Variants in RBFOX1 observed in about 807,000 individuals in gnomAD.
RBFOX1 encodes the protein RNA binding protein fox-1 homolog 1.
Under a neutral mutation model 57.7 loss-of-function variants are expected in RBFOX1, and 8 were observed. The ratio of observed to expected loss-of-function variants is 0.14; its 90% confidence interval spans 0.08 to 0.25. The LOEUF (loss-of-function observed/expected upper bound fraction) is 0.25. Ranked by LOEUF, RBFOX1 falls within the 10% of genes least tolerant of loss-of-function variation. The pLI, the probability that RBFOX1 is intolerant of heterozygous loss-of-function variation, is 1.00. For synonymous variants in RBFOX1, 326 were observed against 222.4 expected, an observed-to-expected ratio of 1.47 and a Z score of -4.15; for missense variants, 611 against 548.5, an observed-to-expected ratio of 1.11 and a Z score of -1.14.
chr16:6,134,683 A>ATTTT (rs61209958), intron 1 of RBFOX1, among the ~76,000 whole-genome samples: 7 of 143,462 alleles, frequency 4.9e-5, no homozygotes, highest in Non-Finnish European at 6.1e-5. Flanking sequence ...AACTCAGAGT[A>ATTTT]TTTTTTTTTT....
At chr16:6,544,485 C>T (rs1300971742) in intron 2 of RBFOX1, among the ~76,000 whole-genome samples, 1 of 152,154 alleles carries the variant, frequency 6.6e-6, no homozygotes, top group African/African-American at 2.4e-5. Flanking sequence ...TTTGTAGGAT[C>T]TCATAGGAAA....
chr16:7,353,853 G>C (rs1024883730), intron 4 of RBFOX1, among the ~76,000 whole-genome samples: 7 of 152,094 alleles, frequency 4.6e-5, no homozygotes, highest in Non-Finnish European at 8.8e-5. Context: ...TTCTTTTTGA[G>C]GTGATGAAAA....
chr16:5,937,398 G>T (rs901210890), intron 4 of RBFOX1, among the ~76,000 whole-genome samples: 8 of 152,148 alleles, frequency 5.3e-5, no homozygotes, highest in Admixed American at 2.0e-4. Flanking sequence ...CTAGAGTAGA[G>T]GCGTGAACCA....
At chr16:6,912,600 TTC>T (rs757791918) in intron 3 of RBFOX1, among the ~76,000 whole-genome samples, 47 of 102,344 alleles carry the variant, frequency 4.6e-4, no homozygotes, top group African/African-American at 1.5e-3. Flanking sequence ...TTGCTTTCTT[TTC>T]TTGTGTGTGT....
At chr16:7,698,900 A>G (rs2079690427) in intron 14 of RBFOX1, among the ~76,000 whole-genome samples, 1 of 152,186 alleles carries the variant, frequency 6.6e-6, no homozygotes, top group Admixed American at 6.5e-5. Context: ...AATTTGTGAA[A>G]ATTAAAGATG....
intron 1 of RBFOX1, among the ~76,000 whole-genome samples, chr16:6,125,761 C>T (rs534563241): frequency 8.5e-5 from 13 of 152,166 alleles, no homozygotes; most frequent in South Asian, 2.1e-4. Flanking sequence ...ATCCTTGGCT[C>T]GCTCTCTGTG....
At chr16:6,513,657 T>G (rs1362985406) in intron 2 of RBFOX1, among the ~76,000 whole-genome samples, 1 of 152,020 alleles carries the variant, frequency 6.6e-6, no homozygotes, top group African/African-American at 2.4e-5. Context: ...TCACTTGAAC[T>G]TGGGAGGCGG....
At chr16:5,371,539 T>A (rs1377920866) in intron 1 of RBFOX1, among the ~76,000 whole-genome samples, 1 of 152,236 alleles carries the variant, frequency 6.6e-6, no homozygotes, top group African/African-American at 2.4e-5. Flanking sequence ...CATTTTGTTA[T>A]GGCAGCCCTA....
Position 5,432,576 on chromosome 16 carries a change from GT to G in RBFOX1, c.220-34635del, listed in dbSNP as rs1174263702. Among the ~76,000 whole-genome samples the G allele has an allele frequency of 2.8e-3, 203 of 71,278 alleles. 2 individuals carry two copies. Among genetic ancestry groups the G allele is most frequent in the African/African-American group, 0.011 (191 of 17,718 alleles). The allele number at this position is 71,278 out of a possible 152,430, so 46.8% of individuals were successfully genotyped here. On this transcript the variant is annotated intron_variant, in intron 1 of 2. Coordinates refer to the RBFOX1 transcript ENST00000585867. ...GTTTGTTTGTTTTTTTTTTTTTTTG[GT>G]TTTTCACTCTTTTTCCTCTCTAGCA... is the stretch of plus-strand genomic sequence containing the variant.
intron 3 of RBFOX1, among the ~76,000 whole-genome samples, chr16:6,684,834 G>A (rs1371325893): frequency 6.6e-6 from 1 of 152,156 alleles, no homozygotes; most frequent in Non-Finnish European, 1.5e-5. Context: ...TCTTCTAGTT[G>A]TTACCTTTGT....
intron 2 of RBFOX1, among the ~76,000 whole-genome samples, chr16:6,544,793 C>G (rs1354510435): frequency 6.6e-6 from 1 of 152,164 alleles, no homozygotes; most frequent in Non-Finnish European, 1.5e-5. Flanking sequence ...TTGAATGATG[C>G]TGAGCACGTA....
intron 4 of RBFOX1, among the ~76,000 whole-genome samples, chr16:7,189,425 C>CAAAAAA: frequency 1.5e-5 from 1 of 67,622 alleles, no homozygotes; most frequent in Non-Finnish European, 2.9e-5. Context: ...GACTCCCTCT[C>CAAAAAA]AAAAAAAAAA....
chr16:7,247,562 GT>G (rs1347418156), intron 4 of RBFOX1, among the ~76,000 whole-genome samples: 4 of 152,152 alleles, frequency 2.6e-5, no homozygotes, highest in African/African-American at 9.7e-5. Flanking sequence ...GTAATGAATA[GT>G]TTTATGTTAA....
chr16:5,625,958 C>T lies in RBFOX1; in HGVS notation c.318+26997C>T, dbSNP rs1395791332. 4.6e-5 allele frequency among the ~76,000 whole-genome samples: 7 copies of T among 152,268 alleles called. No individual in the cohort carries two copies. The South Asian group carries it at 8.3e-4, about 18-fold the overall frequency. On this transcript the variant is annotated intron_variant, in intron 3 of 19. Transcript: ENST00000641259. ...ATGGCACAATCTCAGCTCACTGCAC[C>T]CTCCGCCTCCTGGGTTCAAACTATT...
At chr16:7,209,222 C>G (rs1055742918) in intron 4 of RBFOX1, among the ~76,000 whole-genome samples, 1 of 151,614 alleles carries the variant, frequency 6.6e-6, no homozygotes, top group Non-Finnish European at 1.5e-5. Flanking sequence ...GTAATGCCAG[C>G]TACTTGGGAG....
At chr16:7,343,686 A>G (rs901368576) in intron 4 of RBFOX1, among the ~76,000 whole-genome samples, 7 of 152,126 alleles carry the variant, frequency 4.6e-5, no homozygotes, top group Non-Finnish European at 7.3e-5. Flanking sequence ...TAGGGAGGAA[A>G]AAACAGGCAA....
At chr16:6,930,754 T>G (rs1259794371) in intron 3 of RBFOX1, among the ~76,000 whole-genome samples, 1 of 152,148 alleles carries the variant, frequency 6.6e-6, no homozygotes, top group Non-Finnish European at 1.5e-5. Context: ...TTTATATGTT[T>G]ATTGGCCACT....
At chr16:5,474,960 C>G (rs942276676) in intron 2 of RBFOX1, among the ~76,000 whole-genome samples, 2 of 152,170 alleles carry the variant, frequency 1.3e-5, no homozygotes, top group African/African-American at 4.8e-5. Flanking sequence ...TGCATCCTAC[C>G]TTGGGTTTTT....
intron 1 of RBFOX1, among the ~76,000 whole-genome samples, chr16:6,292,609 T>C (rs2077585854): frequency 6.6e-6 from 1 of 152,174 alleles, no homozygotes; most frequent in African/African-American, 2.4e-5. Flanking sequence ...GGGAACCTCA[T>C]GGAGTCAATT....
Sources: gnomAD v4.1 joint callset for allele counts (sites outside exome capture counted in the v4.1 genomes callset) on GRCh38, gnomAD v4.1.1 for gene constraint, MANE v1.5 for transcripts, NCBI Gene and HGNC (gene_info 2026-07-23, HGNC 2026-07-21) for gene names.